Variants in DIP2C observed in about 807,000 individuals in gnomAD.
DIP2C encodes DIP2 acetate--CoA ligase C (putative).
A neutral mutation model predicts 192.4 loss-of-function variants in DIP2C; 33 were observed. The observed-to-expected ratio is 0.17, with a 90% confidence interval of 0.13 to 0.23. DIP2C has a LOEUF of 0.23. Ranked by LOEUF, DIP2C falls within the 10% of genes least tolerant of loss-of-function variation. The pLI, the probability that DIP2C is intolerant of heterozygous loss-of-function variation, is 1.00. For synonymous variants in DIP2C, 979 were observed against 864.1 expected (o/e 1.13, Z -2.33); for missense variants, 1,537 against 2,110.1 (o/e 0.73, Z 5.32).
chr10:605,163 G>C (rs926152925), intron 1 of DIP2C, among the ~76,000 whole-genome samples: 12 of 152,324 alleles, frequency 7.9e-5, no homozygotes, highest in African/African-American at 2.6e-4. Flanking sequence ...CTGATGCAGA[G>C]AGCTGGTCAC....
At chr10:562,202 T>G (rs1849256702) in intron 1 of DIP2C, among the ~76,000 whole-genome samples, 1 of 152,236 alleles carries the variant, frequency 6.6e-6, no homozygotes, top group Non-Finnish European at 1.5e-5. Context: ...AGGCCGCATC[T>G]GATGTTTAAC....
intron 31 of DIP2C, among the ~76,000 whole-genome samples, chr10:314,482 G>A (rs1390238132): frequency 6.6e-6 from 1 of 152,146 alleles, no homozygotes; most frequent in Non-Finnish European, 1.5e-5. Flanking sequence ...CTCGGCACCA[G>A]CCAGGATTTC....
At chr10:623,036 T>C (rs1853966467) in intron 1 of DIP2C, among the ~76,000 whole-genome samples, 1 of 152,250 alleles carries the variant, frequency 6.6e-6, no homozygotes, top group South Asian at 2.1e-4. Context: ...CACAGAGGAA[T>C]GATTCTGTGT....
intron 1 of DIP2C, among the ~76,000 whole-genome samples, chr10:492,360 T>C (rs758407850): frequency 6.6e-6 from 1 of 152,176 alleles, no homozygotes; most frequent in African/African-American, 2.4e-5. Flanking sequence ...TGCTCTGCCA[T>C]GGCTCCACCT....
intron 1 of DIP2C, among the ~76,000 whole-genome samples, chr10:541,663 G>T (rs571358479): frequency 8.8e-6 from 1 of 113,618 alleles, no homozygotes; most frequent in African/African-American, 3.4e-5. Context: ...GACCACACCC[G>T]TCTCTCCTGG....
intron 10 of DIP2C, among the ~76,000 whole-genome samples, chr10:392,738 GCACACACTCACATACACACA>G (rs1963576133): frequency 6.7e-6 from 1 of 150,338 alleles, no homozygotes; most frequent in African/African-American, 2.4e-5. Flanking sequence ...GTACACACGC[GCACACACTCACATACACACA>G]CACACACTTA....
At chr10:291,104 G>A (rs1237949038) in intron 32 of DIP2C, among the ~76,000 whole-genome samples, 1 of 152,230 alleles carries the variant, frequency 6.6e-6, no homozygotes, top group Admixed American at 6.5e-5. Flanking sequence ...CAGCCACTAA[G>A]GGGGCATGGA....
At chr10:552,132 C>T (rs1277805086) in intron 1 of DIP2C, among the ~76,000 whole-genome samples, 4 of 152,314 alleles carry the variant, frequency 2.6e-5, no homozygotes, top group Non-Finnish European at 4.4e-5. Flanking sequence ...TTGTAACTGA[C>T]GGAGGCTGTC....
At chr10:324,910 G>T in intron 31 of DIP2C, 1 of 531,864 alleles carries the variant, frequency 1.9e-6, no homozygotes, top group Non-Finnish European at 3.9e-6. Context: ...CCATGTTTTG[G>T]TTCTTTTTTC....
At chr10:444,882 G>A (rs1263538421) in intron 3 of DIP2C, among the ~76,000 whole-genome samples, 1 of 152,226 alleles carries the variant, frequency 6.6e-6, no homozygotes, top group Non-Finnish European at 1.5e-5. Flanking sequence ...AATTTACTCT[G>A]GAGATAATGT....
chr10:343,686 C>T (rs925451492), intron 28 of DIP2C, among the ~76,000 whole-genome samples: 12 of 152,080 alleles, frequency 7.9e-5, no homozygotes, highest in Non-Finnish European at 1.3e-4. Context: ...TTAGTCAAAC[C>T]CTGCCTCCTA....
chr10:586,328 G>A (rs763941730), intron 1 of DIP2C, among the ~76,000 whole-genome samples: 15 of 152,078 alleles, frequency 9.9e-5, no homozygotes, highest in African/African-American at 2.4e-4. Context: ...AATGCATATC[G>A]GACACATGAA....
Position 553,969 on chromosome 10 carries a change from C to T in DIP2C, c.86-67439G>A, listed in dbSNP as rs115205124. Among the ~76,000 whole-genome samples the T allele has an allele frequency of 3.5e-3, 519 of 149,128 alleles. 3 individuals are homozygous for T. The highest frequency in any genetic ancestry group is 0.012 in the African/African-American group (486 of 40,192). On this transcript the variant is annotated intron_variant, in intron 1 of 36. Coordinates refer to ENST00000280886, the MANE Select transcript of DIP2C (RefSeq NM_014974.3). ...TGATACCTCATAGAAAAAACGTATA[C>T]GCTTGTAACTGTAAGAGTGGCGAAC...
At chr10:509,391 C>G (rs917741033) in intron 1 of DIP2C, among the ~76,000 whole-genome samples, 1 of 152,200 alleles carries the variant, frequency 6.6e-6, no homozygotes, top group Non-Finnish European at 1.5e-5. Context: ...TGGGATTCAA[C>G]CAGGTCCTTC....
At chr10:489,277 G>A (rs571483194) in intron 1 of DIP2C, among the ~76,000 whole-genome samples, 4 of 152,330 alleles carry the variant, frequency 2.6e-5, no homozygotes, top group East Asian at 3.9e-4. Flanking sequence ...AGGTTTACAT[G>A]AGCAAACCTT....
intron 9 of DIP2C, among the ~76,000 whole-genome samples, chr10:407,108 C>T (rs772758880): frequency 2.0e-5 from 3 of 152,224 alleles, no homozygotes; most frequent in African/African-American, 7.2e-5. Flanking sequence ...GTCTCCCGCA[C>T]AGCCAGCTCT....
intron 2 of DIP2C, among the ~76,000 whole-genome samples, chr10:480,002 C>T (rs993261158): frequency 1.4e-5 from 2 of 147,132 alleles, no homozygotes; most frequent in Middle Eastern, 4.0e-3. Flanking sequence ...GCCTGAGCTC[C>T]AGTCGACGCT....
chr10:458,910 A>C (rs988179148), intron 3 of DIP2C, among the ~76,000 whole-genome samples: 2 of 151,878 alleles, frequency 1.3e-5, no homozygotes, highest in Admixed American at 1.3e-4. Flanking sequence ...TCCAAAACTG[A>C]CACTAAACTA....
intron 1 of DIP2C, among the ~76,000 whole-genome samples, chr10:490,922 G>C: frequency 6.6e-6 from 1 of 152,188 alleles, no homozygotes; most frequent in Admixed American, 6.5e-5. Context: ...ATGAGACTGA[G>C]GGATGATGCT....
Sources: gnomAD v4.1 joint callset for allele counts (sites outside exome capture counted in the v4.1 genomes callset) on GRCh38, gnomAD v4.1.1 for gene constraint, MANE v1.5 for transcripts, NCBI Gene and HGNC (gene_info 2026-07-23, HGNC 2026-07-21) for gene names.